TRPM6: variants seen among roughly 807,000 people sequenced by gnomAD.
TRPM6 encodes the protein transient receptor potential cation channel subfamily M member 6, also known as channel kinase 2.
TRPM6 carries 111 observed loss-of-function variants against 247.6 expected under a neutral mutation model. The observed-to-expected ratio is 0.45, with a 90% CI of 0.38 to 0.52. The LOEUF (loss-of-function observed/expected upper bound fraction) is 0.52. Ranked by LOEUF, TRPM6 falls within the 20% of genes least tolerant of loss-of-function variation. The pLI, the probability that TRPM6 is intolerant of heterozygous loss-of-function variation, is 0.00. For missense variants in TRPM6, 2,126 were observed against 2,421.5 expected (o/e 0.88, Z 2.56); for synonymous variants, 892 against 853.8 (o/e 1.04, Z -0.78).
At chr9:74,750,583 C>T in intron 30 of TRPM6, 81 bp downstream of exon 30, 1 of 1,216,904 alleles carries the variant, frequency 8.2e-7, no homozygotes, top group Non-Finnish European at 1.2e-6. Flanking sequence ...CCCTTTCTGA[C>T]TAAATTAAAC....
At chr9:74,861,783 T>C (rs1267511941) in intron 1 of TRPM6, among the ~76,000 whole-genome samples, 2 of 152,176 alleles carry the variant, frequency 1.3e-5, no homozygotes, top group Non-Finnish European at 2.9e-5. Context: ...TTGATGTATT[T>C]TTTTTTTCAT....
rs71368680 is a variant in TRPM6 at position 74,789,960 on chromosome 9, C to CAAA, written c.2539-1221_2539-1219dup. Among the ~76,000 whole-genome samples the CAAA allele has an allele frequency of 2.6e-4, 17 of 65,122 alleles. 1 individual carries two copies. The highest frequency in any genetic ancestry group is 5.1e-4 in the African/African-American group (8 of 15,560). 42.7% of individuals were successfully genotyped at this position (65,122 alleles called of 152,430 possible). A position where few individuals can be genotyped will look rare whatever the true frequency, so the allele number is the denominator to read the frequency against. On this transcript the variant is annotated intron_variant, in intron 19 of 38. Coordinates refer to ENST00000360774, the MANE Select transcript of TRPM6 (RefSeq NM_017662.5). Reference sequence around the variant, plus strand: ...TGGGTGACAGAGCAAGACTCCATCTCAAAAAAAAAAAAAAAAAAAAAAAAA... The same window carrying CAAA: ...TGGGTGACAGAGCAAGACTCCATCTCAAAAAAAAAAAAAAAAAAAAAAAAAAAA...
chr9:74,859,975 T>C (rs1358753378), intron 1 of TRPM6, among the ~76,000 whole-genome samples: 2 of 152,192 alleles, frequency 1.3e-5, no homozygotes, highest in Admixed American at 1.3e-4. Context: ...CCAGCTGTGG[T>C]ACCTCATTAT....
intron 25 of TRPM6, among the ~76,000 whole-genome samples, chr9:74,764,700 G>C (rs1169646401): frequency 6.6e-6 from 1 of 152,192 alleles, no homozygotes; most frequent in African/African-American, 2.4e-5. Context: ...ATTACAACAT[G>C]TATGAGTTGA....
intron 23 of TRPM6, among the ~76,000 whole-genome samples, chr9:74,778,598 C>T (rs185517243): frequency 2.5e-4 from 38 of 152,326 alleles, no homozygotes; most frequent in Admixed American, 1.4e-3. Context: ...CAAGGCTGTT[C>T]TCTGGGCCGT....
chr9:74,828,754 G>A (rs1458552364), intron 6 of TRPM6, among the ~76,000 whole-genome samples: 3 of 150,452 alleles, frequency 2.0e-5, no homozygotes, highest in Non-Finnish European at 4.4e-5. Flanking sequence ...TCAGCCTCCC[G>A]AGTAGCTGGG....
chr9:74,827,838 T>G lies in TRPM6; in HGVS notation c.781A>C (p.Asn261His). 2 of 1,614,092 alleles carry G rather than the reference T, an allele frequency of 1.2e-6. No homozygotes were observed. The highest frequency in any genetic ancestry group is 1.7e-6 in the Non-Finnish European group (2 of 1,180,016). The change falls in exon 7 of 39, where the codon AAT becomes CAT. Residue 261 changes from asparagine to histidine, a missense_variant. Coordinates refer to ENST00000360774, the MANE Select transcript of TRPM6 (RefSeq NM_017662.5). Reference protein sequence around the residue: ...SDDGTVGKYGNEMKLRRNLEK... With the variant: ...SDDGTVGKYGHEMKLRRNLEK... ...AGGTTCCTTCTGAGCTTCATTTCAT[T>G]TCCATACTTGCCCACGGTCCCATCA...
chr9:74,824,158 CT>C (rs35643292), intron 7 of TRPM6, among the ~76,000 whole-genome samples: 11,272 of 144,012 alleles, frequency 0.078, 776 homozygotes, highest in African/African-American at 0.19. Flanking sequence ...GTTAGGTACA[CT>C]TTTTTTTTTT....
intron 38 of TRPM6, among the ~76,000 whole-genome samples, chr9:74,725,665 T>G (rs1025903030): frequency 2.0e-5 from 3 of 152,158 alleles, no homozygotes; most frequent in African/African-American, 2.4e-5. Context: ...AAGCTCTCTC[T>G]TTGCCTGCTG....
At chr9:74,887,458 C>T in intron 1 of TRPM6, 1 of 1,070,184 alleles carries the variant, frequency 9.3e-7, no homozygotes, top group Non-Finnish European at 1.3e-6. Flanking sequence ...AACTCCTCTC[C>T]CTCCGGCCCG....
chr9:74,790,681 C>T (rs1480892852), intron 19 of TRPM6, among the ~76,000 whole-genome samples: 1 of 152,142 alleles, frequency 6.6e-6, no homozygotes, highest in Non-Finnish European at 1.5e-5. Flanking sequence ...TCAGTAAAAT[C>T]GAATTGAATG....
chr9:74,785,468 A>C (rs1282010097), intron 21 of TRPM6, among the ~76,000 whole-genome samples: 1 of 152,204 alleles, frequency 6.6e-6, no homozygotes, highest in Non-Finnish European at 1.5e-5. Context: ...ATATCAAAAT[A>C]TTCCATATAC....
chr9:74,771,345 C>T (rs533940501), intron 25 of TRPM6, among the ~76,000 whole-genome samples: 1 of 152,318 alleles, frequency 6.6e-6, no homozygotes, highest in Admixed American at 6.5e-5. Context: ...TAATAAATTA[C>T]AAATCTATTT....
At chr9:74,852,498 T>G (rs534910135) in intron 3 of TRPM6, among the ~76,000 whole-genome samples, 1 of 146,736 alleles carries the variant, frequency 6.8e-6, no homozygotes, top group Non-Finnish European at 1.5e-5. Context: ...TCCGTCTCCA[T>G]GGTCTCCCTC....
At position 74,836,439 on chromosome 9, in the gene TRPM6, C is replaced by T. The variant is rs149856551; in HGVS notation, c.545-2317G>A. ...CCCTTCCAACTCATTTTCTGACCCT[C>T]TCCCAGAGCCATCTCTAGAACCTGG... On this transcript the variant is annotated intron_variant, in intron 5 of 38. Coordinates refer to ENST00000360774, the MANE Select transcript of TRPM6 (RefSeq NM_017662.5). Among the ~76,000 whole-genome samples the T allele has an allele frequency of 2.0e-5, 3 of 152,288 alleles. No homozygotes were observed. The East Asian group carries it at 5.8e-4, about 29-fold the overall frequency.
In TRPM6 at chr9:74,762,409, T is replaced by C. The variant is rs138919878; in HGVS notation, c.4262A>G (p.Glu1421Gly). 13 of 1,614,104 alleles carry C rather than the reference T, an allele frequency of 8.1e-6. No homozygotes were observed. The African/African-American group carries it at 1.6e-4, about 20-fold the overall frequency. ...AHLLDGQDKA[E>G]QVLPTLSCTP... ...GCAACTCAAAGTGGGTAGCACTTGC[T>C]CTGCCTTGTCTTGTCCATCCAGTAA... The change falls in exon 26 of 39, where the codon GAG becomes GGG. Residue 1421 changes from glutamate (E) to glycine (G), a missense_variant. Transcript: ENST00000360774.
intron 22 of TRPM6, 53 bp from the exon 23 acceptor site, chr9:74,782,529 C>A: frequency 6.7e-7 from 1 of 1,492,204 alleles, no homozygotes; most frequent in Non-Finnish European, 9.3e-7. Flanking sequence ...CACAGTCCTG[C>A]CACTCTAGAC....
rs755705867 is a variant in TRPM6 at position 74,785,865 on chromosome 9, T to A, written c.2919+9A>T. On this transcript the variant is annotated intron_variant, in intron 21 of 38. Coordinates refer to ENST00000360774, the MANE Select transcript of TRPM6 (RefSeq NM_017662.5). Reference sequence around the variant, plus strand: ...AGAATACCAGGATATAAAACTAGACTGTACTCACCATTTTTGCAATCATGG... The same window carrying A: ...AGAATACCAGGATATAAAACTAGACAGTACTCACCATTTTTGCAATCATGG... 38 of 1,614,066 alleles carry A rather than the reference T, an allele frequency of 2.4e-5. No individual in the cohort carries two copies. In the East Asian group the frequency reaches 2.7e-4, roughly 11 times the overall value.
chr9:74,832,369 AT>A (rs1196449681), intron 6 of TRPM6, among the ~76,000 whole-genome samples: 3 of 152,208 alleles, frequency 2.0e-5, no homozygotes, highest in Non-Finnish European at 4.4e-5. Flanking sequence ...TTTTTGGATA[AT>A]GAAATCAAAT....
Sources: allele counts gnomAD v4.1 joint callset (sites outside exome capture counted in the v4.1 genomes callset), GRCh38; gene constraint gnomAD v4.1.1; transcripts MANE v1.5; gene names NCBI Gene and HGNC (gene_info 2026-07-23, HGNC 2026-07-21).